The following MATN2 variants were observed in gnomAD, a reference collection of about 807,000 sequenced individuals.
The protein encoded by MATN2 is matrilin-2.
Under a neutral mutation model 103.2 loss-of-function variants are expected in MATN2, and 69 were observed. The ratio of observed to expected loss-of-function variants is 0.67; its 90% CI spans 0.55 to 0.82. The LOEUF (loss-of-function observed/expected upper bound fraction) is 0.82. MATN2 is among the 40% of genes least tolerant of loss of function. MATN2 has a pLI of 0.00. For synonymous variants in MATN2, 429 were observed against 450.2 expected (o/e 0.95, Z 0.60); for missense variants, 1,023 against 1,211.5 (o/e 0.84, Z 2.31).
At chr8:98,017,809 G>A (rs1813417257) in intron 11 of MATN2, among the ~76,000 whole-genome samples, 185 bp from the exon 12 acceptor site, 1 of 152,238 alleles carries the variant, frequency 6.6e-6, no homozygotes. Flanking sequence ...GAAACAGTTT[G>A]AAGGGTTAGC....
intron 3 of MATN2, among the ~76,000 whole-genome samples, chr8:97,939,816 T>C (rs1284212001): frequency 1.3e-5 from 2 of 152,244 alleles, no homozygotes; most frequent in Non-Finnish European, 2.9e-5. Flanking sequence ...GAGGATCAAC[T>C]GAACATGTCT....
intron 2 of MATN2, among the ~76,000 whole-genome samples, chr8:97,906,477 G>A (rs1342005977): frequency 6.6e-6 from 1 of 152,146 alleles, no homozygotes; most frequent in Non-Finnish European, 1.5e-5. Flanking sequence ...CAGATGGTCT[G>A]TTCTCATGTA....
intron 5 of MATN2, among the ~76,000 whole-genome samples, chr8:97,972,698 C>A (rs1483396233): frequency 6.6e-6 from 1 of 152,188 alleles, no homozygotes; most frequent in Non-Finnish European, 1.5e-5. Flanking sequence ...AGCAAGGTAT[C>A]ATTTATTCTT....
chr8:97,944,333 G>A (rs72677068), intron 4 of MATN2, among the ~76,000 whole-genome samples: 19,337 of 152,246 alleles, frequency 0.13, 1,403 homozygotes, highest in Admixed American at 0.22. Flanking sequence ...CTGCTGTCCC[G>A]TCTGACCCAG....
rs139265165 is a variant in MATN2, at chr8:97,962,740, G to A, written c.958+1210G>A. On this transcript the variant is annotated intron_variant, in intron 5 of 18. Transcript: ENST00000254898. ...TGCTTCATTAATTTTTATTATGCAAGTAATACCCGTTCATAGAGAAACTTA... is the reference window on the plus strand; with the variant it reads ...TGCTTCATTAATTTTTATTATGCAAATAATACCCGTTCATAGAGAAACTTA... Among the ~76,000 whole-genome samples, 260 of 152,276 alleles carry A rather than the reference G, an allele frequency of 1.7e-3. 1 individual carries two copies. The highest frequency in any genetic ancestry group is 5.9e-3 in the African/African-American group (246 of 41,554).
intron 2 of MATN2, among the ~76,000 whole-genome samples, chr8:97,894,460 A>ACAGT (rs562629213): frequency 1.6e-3 from 249 of 151,430 alleles, no homozygotes; most frequent in African/African-American, 5.9e-3. Flanking sequence ...AACTGGGACT[A>ACAGT]CAGTCATGTA....
At chr8:98,022,457 C>T (rs952815910) in intron 13 of MATN2, among the ~76,000 whole-genome samples, 2 of 151,746 alleles carry the variant, frequency 1.3e-5, no homozygotes, top group South Asian at 2.1e-4. Flanking sequence ...AAGATAAACA[C>T]GATTTAGAAA....
At chr8:97,937,065 G>A (rs1358018941) in intron 3 of MATN2, among the ~76,000 whole-genome samples, 4 of 152,160 alleles carry the variant, frequency 2.6e-5, no homozygotes, top group African/African-American at 7.2e-5. Context: ...CAGTCAGGAA[G>A]CATGGCCCCA....
chr8:97,928,600 C>T (rs1048373161), intron 2 of MATN2, among the ~76,000 whole-genome samples: 3 of 152,118 alleles, frequency 2.0e-5, no homozygotes, highest in African/African-American at 4.8e-5. Context: ...GATTTCAGTT[C>T]CTCTCACCTC....
rs949521553 is a variant in MATN2, at chr8:98,005,280, G to A, written c.1327+1497G>A. 2.0e-5 allele frequency among the ~76,000 whole-genome samples: 3 copies of A among 152,224 alleles called. No homozygotes were observed. The highest frequency in any genetic ancestry group is 4.8e-5 in the African/African-American group (2 of 41,446). On this transcript the variant is annotated intron_variant, in intron 8 of 18. Transcript: ENST00000254898. The surrounding 1 kb of genome is among the most constrained non-coding windows in gnomAD (Gnocchi z 4.6). ...CCAAAGTCAGTGCCTGCTGTACGTT[G>A]CCTCTGCATGTCTCTGAGTCCTTTT...
chr8:97,962,346 AT>A (rs1160543944), intron 5 of MATN2, among the ~76,000 whole-genome samples: 1 of 152,148 alleles, frequency 6.6e-6, no homozygotes, highest in Non-Finnish European at 1.5e-5. Flanking sequence ...ACCCTATTTT[AT>A]TTTGCTTCGC....
chr8:97,912,487 T>C (rs926651467), intron 2 of MATN2, among the ~76,000 whole-genome samples: 2 of 152,218 alleles, frequency 1.3e-5, no homozygotes, highest in Non-Finnish European at 2.9e-5. Flanking sequence ...TGTAATATAC[T>C]GTCCCAGTGT....
At chr8:98,008,146 C>T (rs16896541) in intron 10 of MATN2, among the ~76,000 whole-genome samples, 6,703 of 151,944 alleles carry the variant, frequency 0.044, 440 homozygotes, top group African/African-American at 0.14. Context: ...TTTCTGACCC[C>T]GGTGATCTCA....
intron 6 of MATN2, among the ~76,000 whole-genome samples, chr8:97,990,450 A>C (rs1440805130): frequency 6.6e-6 from 1 of 152,202 alleles, no homozygotes; most frequent in Non-Finnish European, 1.5e-5. Context: ...TTAAGCATAC[A>C]TGTCCCATAT....
intron 2 of MATN2, among the ~76,000 whole-genome samples, chr8:97,910,137 C>T (rs1466183054): frequency 6.6e-6 from 1 of 151,258 alleles, no homozygotes; most frequent in East Asian, 1.9e-4. Flanking sequence ...TCTCAGCTCA[C>T]TGCAACCTCC....
At chr8:97,934,354 G>C (rs1810304303) in intron 3 of MATN2, among the ~76,000 whole-genome samples, 1 of 152,210 alleles carries the variant, frequency 6.6e-6, no homozygotes, top group Non-Finnish European at 1.5e-5. Flanking sequence ...GCCCTATTCA[G>C]TGTGCACTGT....
At chr8:97,920,756 G>A (rs997197324) in intron 2 of MATN2, among the ~76,000 whole-genome samples, 4 of 152,132 alleles carry the variant, frequency 2.6e-5, no homozygotes, top group East Asian at 1.9e-4. Flanking sequence ...CCTGGGAGGC[G>A]GAGTGATTGG....
chr8:97,933,846 CCCAGGG>C (rs928547059), intron 3 of MATN2, among the ~76,000 whole-genome samples: 1 of 152,062 alleles, frequency 6.6e-6, no homozygotes, highest in African/African-American at 2.4e-5. Context: ...CTGAAGAGGC[CCCAGGG>C]CCTCTTTATC....
chr8:97,999,982 G>T (rs1812726507), intron 7 of MATN2, among the ~76,000 whole-genome samples: 1 of 151,388 alleles, frequency 6.6e-6, no homozygotes, highest in Non-Finnish European at 1.5e-5. Context: ...CTGGGTTCTA[G>T]CGATCCTCTC....
Sources: allele counts gnomAD v4.1 joint callset (sites outside exome capture counted in the v4.1 genomes callset), GRCh38; gene constraint gnomAD v4.1.1; non-coding constraint Gnocchi (gnomAD v3.1); transcripts MANE v1.5; gene names NCBI Gene and HGNC (gene_info 2026-07-23, HGNC 2026-07-21).